The following OPHN1 variants were observed in gnomAD, a reference collection of about 807,000 sequenced individuals.
OPHN1 encodes oligophrenin-1.
A neutral mutation model predicts 60.7 loss-of-function variants in OPHN1; 11 were observed. That is an observed-to-expected ratio of 0.18 (90% CI 0.11 to 0.30). OPHN1 has a LOEUF of 0.30. Among genes scored for constraint, OPHN1 ranks in the 10% least tolerant of loss-of-function variants. The pLI, the probability that OPHN1 is intolerant of heterozygous loss-of-function variation, is 1.00. For synonymous variants in OPHN1, 226 were observed against 222.6 expected, an observed-to-expected ratio of 1.02 and a Z score of -0.14; for missense variants, 449 against 611.0, an observed-to-expected ratio of 0.73 and a Z score of 2.80.
intron 2 of OPHN1, among the ~76,000 whole-genome samples, chrX:68,380,442 T>G (rs2078589988): frequency 9.0e-6 from 1 of 111,728 alleles, no homozygotes; most frequent in Non-Finnish European, 1.9e-5. Flanking sequence ...AGTTCTGCTC[T>G]GATTTTAGTT....
At position 68,046,816 on chromosome X, in the gene OPHN1, G is replaced by A. The variant is rs2076833911; in HGVS notation, c.*356C>T. 8.9e-6 allele frequency: 1 copy of A among 111,823 alleles called. No individual in the cohort carries two copies. Among genetic ancestry groups the A allele is most frequent in the Non-Finnish European group, 1.9e-5 (1 of 53,176 alleles). The allele number at this position is 111,823 out of a possible 1,213,427, so 9.2% of individuals were successfully genotyped here. A position where few individuals can be genotyped will look rare whatever the true frequency, so the allele number is the denominator to read the frequency against. On this transcript the variant is annotated 3_prime_UTR_variant, in exon 25 of 25. Transcript: ENST00000355520. ...CTCTCAGAGTTCAATGGCCCTCTGA[G>A]GAAGCAGGAAGTTCAGGGAAGAGTT...
At chrX:68,371,358 T>C (rs2078527926) in intron 2 of OPHN1, among the ~76,000 whole-genome samples, 1 of 109,226 alleles carries the variant, frequency 9.2e-6, no homozygotes, top group Non-Finnish European at 1.9e-5. Context: ...ACTGGGACTA[T>C]AGGCGTGAGC....
intron 2 of OPHN1, among the ~76,000 whole-genome samples, chrX:68,393,257 T>TA (rs1602382189): frequency 8.9e-6 from 1 of 112,360 alleles, no homozygotes; most frequent in Non-Finnish European, 1.9e-5. Context: ...ACTGCCTCTT[T>TA]AAAAAACAAA....
chrX:68,051,050 T>G (rs1332530469), intron 23 of OPHN1, among the ~76,000 whole-genome samples: 3 of 111,890 alleles, frequency 2.7e-5, no homozygotes, highest in Admixed American at 1.9e-4. Flanking sequence ...GGTGGCTCAC[T>G]GACAATCAGA....
At chrX:68,266,374 CA>C (rs1805584217) in intron 5 of OPHN1, among the ~76,000 whole-genome samples, 1 of 111,597 alleles carries the variant, frequency 9.0e-6, no homozygotes, top group African/African-American at 3.3e-5. Context: ...GGCCAATATT[CA>C]ACATTCTTAA....
chrX:68,264,212 T>G (rs2077909846), intron 5 of OPHN1, among the ~76,000 whole-genome samples: 1 of 111,445 alleles, frequency 9.0e-6, no homozygotes, highest in African/African-American at 3.3e-5. Flanking sequence ...ACTTCATGTC[T>G]AAAACACCAA....
intron 20 of OPHN1, chrX:68,071,262 T>C (rs1385318189): frequency 1.6e-5 from 11 of 693,425 alleles, no homozygotes; most frequent in Admixed American, 6.7e-5. Context: ...AGCTGTGGGC[T>C]CTGTGAGCAG....
At chrX:68,102,314 C>T (rs920565655) in intron 18 of OPHN1, among the ~76,000 whole-genome samples, 6 of 112,029 alleles carry the variant, frequency 5.4e-5, no homozygotes, top group African/African-American at 1.9e-4. Flanking sequence ...TAAATAAGTC[C>T]TTTGAAACCA....
At chrX:68,319,243 C>T (rs978489603) in intron 2 of OPHN1, among the ~76,000 whole-genome samples, 1 of 111,804 alleles carries the variant, frequency 8.9e-6, no homozygotes, top group Non-Finnish European at 1.9e-5. Context: ...CAATAAATGG[C>T]CCTGGAGCCA....
chrX:68,425,839 T>TTTTAG (rs2078852365), intron 2 of OPHN1, among the ~76,000 whole-genome samples: 1 of 93,724 alleles, frequency 1.1e-5, no homozygotes, highest in Non-Finnish European at 2.1e-5. Context: ...TTTTTTTTTT[T>TTTTAG]AGAGAGGGAG....
intron 15 of OPHN1, among the ~76,000 whole-genome samples, chrX:68,141,827 G>A (rs998551995): frequency 2.7e-5 from 3 of 109,851 alleles, no homozygotes; most frequent in South Asian, 4.0e-4. Context: ...CACTCTGGCC[G>A]GGAAAGTAAA....
At chrX:68,402,864 T>C (rs749110527) in intron 2 of OPHN1, among the ~76,000 whole-genome samples, 1 of 111,856 alleles carries the variant, frequency 8.9e-6, no homozygotes, top group East Asian at 2.8e-4. Context: ...GGAGATACCA[T>C]CTTTCTCTCC....
At chrX:68,251,004 G>C (rs2077831087) in intron 5 of OPHN1, among the ~76,000 whole-genome samples, 1 of 109,872 alleles carries the variant, frequency 9.1e-6, no homozygotes, top group Admixed American at 9.8e-5. Flanking sequence ...CACTTACTCT[G>C]CCTGAACTTC....
chrX:68,390,100 A>G (rs2078646282), intron 2 of OPHN1, among the ~76,000 whole-genome samples: 1 of 110,926 alleles, frequency 9.0e-6, no homozygotes, highest in Admixed American at 9.7e-5. Flanking sequence ...ACTCACTATC[A>G]CAAGAATAGC....
At chrX:68,100,587 A>C (rs2077054230) in intron 18 of OPHN1, among the ~76,000 whole-genome samples, 1 of 110,785 alleles carries the variant, frequency 9.0e-6, no homozygotes. Context: ...ATACTTCCCT[A>C]TACTGTTTCT....
chrX:68,431,146 T>C (rs2078883589), intron 2 of OPHN1, among the ~76,000 whole-genome samples: 1 of 112,078 alleles, frequency 8.9e-6, no homozygotes, highest in African/African-American at 3.2e-5. Flanking sequence ...AACTCTCACC[T>C]TTCTACTTAT....
intron 19 of OPHN1, among the ~76,000 whole-genome samples, chrX:68,080,481 C>T (rs1033429762): frequency 6.2e-5 from 7 of 112,150 alleles, no homozygotes; most frequent in Non-Finnish European, 1.3e-4. Flanking sequence ...TAGCTGGGCA[C>T]CCATGCCTAC....
chrX:68,074,377 G>A (rs186636540), intron 19 of OPHN1, among the ~76,000 whole-genome samples: 336 of 111,827 alleles, frequency 3.0e-3, no homozygotes, highest in Admixed American at 5.4e-3. Flanking sequence ...ACAGCAAGCA[G>A]ATTAATGTTG....
At chrX:68,414,138 C>G (rs1437330923) in intron 2 of OPHN1, among the ~76,000 whole-genome samples, 2 of 111,850 alleles carry the variant, frequency 1.8e-5, no homozygotes, top group African/African-American at 3.3e-5. Flanking sequence ...GGCACGTTGA[C>G]CAGAACTAAA....
Sources: gnomAD v4.1 joint callset for allele counts (sites outside exome capture counted in the v4.1 genomes callset) on GRCh38, gnomAD v4.1.1 for gene constraint, MANE v1.5 for transcripts, NCBI Gene and HGNC (gene_info 2026-07-23, HGNC 2026-07-21) for gene names.